The following MAN1A2 variants were observed in gnomAD, a reference collection of about 807,000 sequenced individuals.
The protein encoded by MAN1A2 is mannosidase alpha class 1A member 2, also known as mannosyl-oligosaccharide 1,2-alpha-mannosidase IB.
MAN1A2 carries 26 observed loss-of-function variants against 75.7 expected under a neutral mutation model. That is an observed-to-expected ratio of 0.34 (90% CI 0.25 to 0.48). The LOEUF (loss-of-function observed/expected upper bound fraction) is 0.48. Among genes scored for constraint, MAN1A2 ranks in the 20% least tolerant of loss-of-function variants. The probability of loss-of-function intolerance (pLI) is 0.99; values close to 1 mark genes in which losing one functional copy is unlikely to be tolerated. For missense variants in MAN1A2, 562 were observed against 775.5 expected (o/e 0.72, Z 3.27); for synonymous variants, 247 against 264.6 (o/e 0.93, Z 0.65).
chr1:117,458,491 ATATATC>A (rs1488163315), intron 6 of MAN1A2, among the ~76,000 whole-genome samples: 3 of 66,504 alleles, frequency 4.5e-5, no homozygotes, highest in African/African-American at 1.4e-4. Context: ...AGAAATATAT[ATATATC>A]TATATATATA....
chr1:117,409,270 A>C (rs1486617451), intron 3 of MAN1A2, among the ~76,000 whole-genome samples: 1 of 152,068 alleles, frequency 6.6e-6, no homozygotes, highest in Non-Finnish European at 1.5e-5. Context: ...TAAACTTTCT[A>C]ACTACTGCTT....
At chr1:117,477,070 C>G (rs910132240) in intron 8 of MAN1A2, among the ~76,000 whole-genome samples, 6 of 151,718 alleles carry the variant, frequency 4.0e-5, no homozygotes, top group African/African-American at 1.5e-4. Context: ...CATACACCCT[C>G]CCAAGACTAA....
chr1:117,420,064 CATT>C (rs1648136325), intron 4 of MAN1A2, among the ~76,000 whole-genome samples: 1 of 152,034 alleles, frequency 6.6e-6, no homozygotes, highest in Admixed American at 6.6e-5. Context: ...ATTTTCTCAA[CATT>C]ATTATTGAAT....
At chr1:117,499,314 G>A in intron 10 of MAN1A2, 68 bp from the exon 11 acceptor site, 1 of 1,164,664 alleles carries the variant, frequency 8.6e-7, no homozygotes, top group South Asian at 2.3e-5. Context: ...TTTCAGGGAA[G>A]AAAGAAGTCC....
chr1:117,495,665 G>T lies in MAN1A2; in HGVS notation c.1285-1098G>T, dbSNP rs1651017136. ...TTAATTGTAATATGGTAAGATTTAGGTTACAATGAACAGAAATGACAAACA... is the reference window on the plus strand; with the variant it reads ...TTAATTGTAATATGGTAAGATTTAGTTTACAATGAACAGAAATGACAAACA... On this transcript the variant is annotated intron_variant, in intron 9 of 12. Coordinates refer to ENST00000356554, the MANE Select transcript of MAN1A2 (RefSeq NM_006699.5). 2.6e-5 allele frequency among the ~76,000 whole-genome samples: 4 copies of T among 151,694 alleles called. No homozygotes were observed. In the South Asian group the frequency reaches 8.3e-4, roughly 32 times the overall value.
intron 5 of MAN1A2, among the ~76,000 whole-genome samples, chr1:117,422,542 T>G (rs1648230565): frequency 6.6e-6 from 1 of 152,090 alleles, no homozygotes; most frequent in Non-Finnish European, 1.5e-5. Context: ...ACTGTCAGAT[T>G]CTTTTCCAAA....
intron 8 of MAN1A2, among the ~76,000 whole-genome samples, chr1:117,489,567 A>G (rs866843420): frequency 1.3e-5 from 2 of 151,948 alleles, no homozygotes; most frequent in Non-Finnish European, 2.9e-5. Flanking sequence ...CTTGTTACGT[A>G]TGTTGCACAT....
rs766880336 is a variant in MAN1A2, at chr1:117,522,825, A to G, written c.1794A>G (p.Lys598=). 1 of 1,609,170 alleles carries G rather than the reference A, an allele frequency of 6.2e-7. No homozygotes were observed. The highest frequency in any genetic ancestry group is 8.5e-7 in the Non-Finnish European group (1 of 1,177,472). ...QQSFFLAETL[K]YLYLLFSGDD... ...TCATTTCTCCCCTTTTTATTTTCAG[A>G]TATTTGTATCTGCTGTTCTCCGGTG... is the stretch of plus-strand genomic sequence containing the variant. Residue 598 remains lysine, a splice_region_variant and synonymous_variant, in exon 13 of 13, where the codon AAA becomes AAG. Transcript: ENST00000356554.
chr1:117,497,610 T>C (rs12139939), intron 10 of MAN1A2, among the ~76,000 whole-genome samples: 21,995 of 151,904 alleles, frequency 0.14, 1,824 homozygotes, highest in Admixed American at 0.22. Flanking sequence ...TTACTCTTTT[T>C]ATGTATAAAG....
intron 3 of MAN1A2, among the ~76,000 whole-genome samples, chr1:117,408,050 C>G (rs1056849199): frequency 6.6e-6 from 1 of 152,098 alleles, no homozygotes; most frequent in South Asian, 2.1e-4. Context: ...GGGCCTGGCT[C>G]TGGAGCCAGG....
At chr1:117,411,141 T>C (rs1450481321) in intron 3 of MAN1A2, among the ~76,000 whole-genome samples, 1 of 151,768 alleles carries the variant, frequency 6.6e-6, no homozygotes, top group Non-Finnish European at 1.5e-5. Flanking sequence ...AATAGTCAAG[T>C]AATTTTTTTA....
chr1:117,457,651 C>T (rs1358309405), intron 6 of MAN1A2, among the ~76,000 whole-genome samples: 2 of 152,068 alleles, frequency 1.3e-5, no homozygotes, highest in East Asian at 1.9e-4. Context: ...AACTGTTGGA[C>T]TTCCTAAGTT....
chr1:117,454,547 T>TA (rs1479057950), intron 6 of MAN1A2, among the ~76,000 whole-genome samples: 2 of 152,124 alleles, frequency 1.3e-5, no homozygotes, highest in African/African-American at 4.8e-5. Flanking sequence ...AAGGTGAAAT[T>TA]AAGACATTTT....
intron 12 of MAN1A2, among the ~76,000 whole-genome samples, chr1:117,505,284 CTCA>C (rs1251091356): frequency 6.6e-6 from 1 of 151,214 alleles, no homozygotes; most frequent in Non-Finnish European, 1.5e-5. Flanking sequence ...TCTCAAATCT[CTCA>C]TCATTACAAC....
chr1:117,418,847 A>G (rs1443804770), intron 4 of MAN1A2, among the ~76,000 whole-genome samples: 1 of 152,142 alleles, frequency 6.6e-6, no homozygotes, highest in Non-Finnish European at 1.5e-5. Context: ...GATTATATAT[A>G]GTTAGATGAT....
chr1:117,434,609 G>C (rs2101802540), intron 5 of MAN1A2, among the ~76,000 whole-genome samples: 1 of 152,260 alleles, frequency 6.6e-6, no homozygotes, highest in Admixed American at 6.5e-5. Context: ...CCATAGGAGA[G>C]TGACTGAATA....
intron 6 of MAN1A2, among the ~76,000 whole-genome samples, chr1:117,448,012 G>A (rs1484510839): frequency 2.0e-5 from 3 of 152,142 alleles, no homozygotes; most frequent in South Asian, 2.1e-4. Flanking sequence ...GTTTTGGGCA[G>A]TATGGTCATT....
chr1:117,499,010 C>T (rs1651115477), intron 10 of MAN1A2, among the ~76,000 whole-genome samples: 1 of 151,706 alleles, frequency 6.6e-6, no homozygotes, highest in African/African-American at 2.4e-5. Context: ...AAAAAACATC[C>T]ACACAGTGTC....
chr1:117,404,337 C>A (rs944114904), intron 2 of MAN1A2, among the ~76,000 whole-genome samples: 9 of 152,024 alleles, frequency 5.9e-5, no homozygotes, highest in Non-Finnish European at 5.9e-5. Context: ...TTATATAATT[C>A]GTCTGATATA....
Sources: gnomAD v4.1 joint callset for allele counts (sites outside exome capture counted in the v4.1 genomes callset) on GRCh38, gnomAD v4.1.1 for gene constraint, MANE v1.5 for transcripts, NCBI Gene and HGNC (gene_info 2026-07-23, HGNC 2026-07-21) for gene names.